The following GREB1L variants were observed in gnomAD, a reference collection of about 807,000 sequenced individuals.
The protein encoded by GREB1L is GREB1-like protein.
GREB1L carries 17 observed loss-of-function variants against 200.8 expected under a neutral mutation model. The observed-to-expected ratio is 0.08, with a 90% CI of 0.06 to 0.13. The LOEUF is 0.13. Among genes scored for constraint, GREB1L ranks in the 10% least tolerant of loss-of-function variants. GREB1L has a pLI of 1.00. For missense variants in GREB1L, 1,657 were observed against 2,367.7 expected (o/e 0.70, Z 6.23); for synonymous variants, 789 against 893.0 (o/e 0.88, Z 2.08).
chr18:21,476,326 C>A (rs2156556), intron 16 of GREB1L, among the ~76,000 whole-genome samples: 1 of 151,892 alleles, frequency 6.6e-6, no homozygotes, highest in African/African-American at 2.4e-5. Flanking sequence ...AATCTGAAAC[C>A]TAGAGCCATA....
intron 7 of GREB1L, among the ~76,000 whole-genome samples, chr18:21,423,331 C>T (rs2032312292): frequency 6.6e-6 from 1 of 152,096 alleles, no homozygotes; most frequent in African/African-American, 2.4e-5. Context: ...AAGTTCATAA[C>T]CTTTACCCTT....
chr18:21,349,163 G>T lies in GREB1L; in HGVS notation c.-119-16864G>T, dbSNP rs183312419. On this transcript the variant is annotated intron_variant, in intron 1 of 32. Transcript: ENST00000424526. ...GACTCCTGCAGAAACTTTTTATCTG[G>T]TCTCTAATCACGCTTTCACACTTCC... 2.7e-3 allele frequency among the ~76,000 whole-genome samples: 403 copies of T among 152,036 alleles called. 3 individuals carry two copies. The highest frequency in any genetic ancestry group is 1.8e-3 in the Non-Finnish European group (119 of 67,988).
chr18:21,286,140 A>G (rs1287661242), intron 1 of GREB1L, among the ~76,000 whole-genome samples: 1 of 152,220 alleles, frequency 6.6e-6, no homozygotes, highest in Non-Finnish European at 1.5e-5. Flanking sequence ...GCATAAAGTA[A>G]CTCTGTCAAA....
At chr18:21,419,052 T>C (rs2031912706) in intron 7 of GREB1L, among the ~76,000 whole-genome samples, 1 of 152,206 alleles carries the variant, frequency 6.6e-6, no homozygotes, top group South Asian at 2.1e-4. Context: ...GCCTATAGCA[T>C]TCATATAGTA....
chr18:21,490,872 G>GT (rs1288817785), intron 19 of GREB1L, among the ~76,000 whole-genome samples: 1 of 152,084 alleles, frequency 6.6e-6, no homozygotes, highest in African/African-American at 2.4e-5. Flanking sequence ...GCAGTTTGTT[G>GT]TTTCTTTTTA....
At chr18:21,277,421 C>T (rs2038187054) in intron 1 of GREB1L, among the ~76,000 whole-genome samples, 1 of 152,146 alleles carries the variant, frequency 6.6e-6, no homozygotes, top group Non-Finnish European at 1.5e-5. Context: ...TTAAAATGTG[C>T]TTCATTTTCT....
At chr18:21,392,360 T>C (rs932131686) in intron 4 of GREB1L, among the ~76,000 whole-genome samples, 2 of 152,178 alleles carry the variant, frequency 1.3e-5, no homozygotes, top group Non-Finnish European at 2.9e-5. Context: ...AGATTTTTTT[T>C]TTCCAATGGG....
intron 14 of GREB1L, among the ~76,000 whole-genome samples, chr18:21,453,079 T>C (rs2034601002): frequency 6.6e-6 from 1 of 152,262 alleles, no homozygotes; most frequent in Admixed American, 6.5e-5. Context: ...ATTAACTGTT[T>C]TGAATTGTTA....
At chr18:21,515,790 C>T in intron 29 of GREB1L, 146 bp downstream of exon 29, 1 of 660,498 alleles carries the variant, frequency 1.5e-6, no homozygotes, top group South Asian at 1.9e-5. Context: ...GATCACAAGC[C>T]CCAAAGTGTG....
intron 27 of GREB1L, among the ~76,000 whole-genome samples, chr18:21,511,940 C>A (rs1463870808): frequency 6.6e-6 from 1 of 152,176 alleles, no homozygotes. Context: ...ACATCGTGCC[C>A]AGCCCCCAAC....
At chr18:21,346,963 CT>C (rs1426313679) in intron 1 of GREB1L, among the ~76,000 whole-genome samples, 4 of 152,162 alleles carry the variant, frequency 2.6e-5, no homozygotes, top group African/African-American at 9.7e-5. Context: ...AATTACCAAC[CT>C]ATTTCCACCC....
rs754521942 is a variant in GREB1L, at chr18:21,481,477, GTATA to G, written c.2557-4126_2557-4123del. ...TGTGTGTGTGTGTGTGTGTGTGTGT[GTATA>G]TATATATATATATATAGCATTATTA... On this transcript the variant is annotated intron_variant, in intron 17 of 32. Transcript: ENST00000424526. 7.0e-3 allele frequency among the ~76,000 whole-genome samples: 933 copies of G among 133,292 alleles called. 4 individuals carry two copies. The highest frequency in any genetic ancestry group is 9.8e-3 in the African/African-American group (347 of 35,342). 87.4% of individuals were successfully genotyped at this position (133,292 alleles called of 152,430 possible). A position where few individuals can be genotyped will look rare whatever the true frequency, so the allele number is the denominator to read the frequency against.
At position 21,483,924 on chromosome 18, in the gene GREB1L, C is replaced by T. The variant is rs371346600; in HGVS notation, c.2557-1696C>T. 6.8e-5 allele frequency among the ~76,000 whole-genome samples: 10 copies of T among 146,624 alleles called. No individual in the cohort carries two copies. In the East Asian group the frequency reaches 1.5e-3, roughly 21 times the overall value. ...CCAGGAGGCAGAGATTGCAGTGAGCCGAGATCATGCCACTGCACTCCAGCC... is the reference window on the plus strand; with the variant it reads ...CCAGGAGGCAGAGATTGCAGTGAGCTGAGATCATGCCACTGCACTCCAGCC... On this transcript the variant is annotated intron_variant, in intron 17 of 32. Coordinates refer to ENST00000424526, the MANE Select transcript of GREB1L (RefSeq NM_001142966.3).
At chr18:21,521,823 G>C (rs2037603926) in intron 32 of GREB1L, among the ~76,000 whole-genome samples, 1 of 151,832 alleles carries the variant, frequency 6.6e-6, no homozygotes, top group Non-Finnish European at 1.5e-5. Flanking sequence ...GGGCAACACT[G>C]TGAAACTCCG....
chr18:21,257,617 C>T (rs1486730791), intron 1 of GREB1L, among the ~76,000 whole-genome samples: 1 of 152,142 alleles, frequency 6.6e-6, no homozygotes, highest in African/African-American at 2.4e-5. Flanking sequence ...CAACTTCTGC[C>T]TCCAGAGTAG....
At chr18:21,417,400 T>A (rs1401159248) in intron 7 of GREB1L, among the ~76,000 whole-genome samples, 1 of 151,838 alleles carries the variant, frequency 6.6e-6, no homozygotes, top group East Asian at 1.9e-4. Context: ...GATGTGGGCC[T>A]GTATTTGGGA....
At chr18:21,376,052 CT>C (rs1293882222) in intron 2 of GREB1L, among the ~76,000 whole-genome samples, 2 of 152,054 alleles carry the variant, frequency 1.3e-5, no homozygotes, top group African/African-American at 4.8e-5. Flanking sequence ...TCTAAAAAGT[CT>C]TTGAGAGTTA....
rs968485381 is a variant in GREB1L at position 21,508,182 on chromosome 18, T to C, written c.4433T>C (p.Leu1478Pro). 6.4e-7 allele frequency: 1 copy of C among 1,551,626 alleles called. No individual in the cohort carries two copies. The highest frequency in any genetic ancestry group is 8.7e-7 in the Non-Finnish European group (1 of 1,146,952). The change falls in exon 26 of 33, where the codon CTC (leucine) becomes CCC (proline). Residue 1478 changes from leucine to proline, a missense_variant. This residue lies in a region of GREB1L where 512 missense variants were observed against 668.3 expected (regional missense o/e 0.77). Coordinates refer to ENST00000424526, the MANE Select transcript of GREB1L (RefSeq NM_001142966.3). ...TCTATGCTGGGAGAAGAGGTTCAGC[T>C]CTATTTCATCATTCCCAAATCCAAA... ...SSSMLGEEVQ[L>P]YFIIPKSKES...
chr18:21,505,340 A>C, intron 23 of GREB1L, 72 bp from the exon 24 acceptor site: 2 of 1,407,328 alleles, frequency 1.4e-6, no homozygotes, highest in African/African-American at 2.8e-5. Flanking sequence ...CGTCCCATAA[A>C]AGCCATTCTC....
Sources: allele counts gnomAD v4.1 joint callset (sites outside exome capture counted in the v4.1 genomes callset), GRCh38; gene constraint gnomAD v4.1.1; regional missense constraint gnomAD v4.1.1; transcripts MANE v1.5; gene names NCBI Gene and HGNC (gene_info 2026-07-23, HGNC 2026-07-21).